The following COL14A1 variants were observed in gnomAD, a reference collection of about 807,000 sequenced individuals.
COL14A1 encodes the protein collagen alpha-1(XIV) chain.
Under a neutral mutation model 230.3 loss-of-function variants are expected in COL14A1, and 136 were observed. The ratio of observed to expected loss-of-function variants is 0.59; its 90% CI spans 0.51 to 0.68. COL14A1 has a LOEUF of 0.68. Ranked by LOEUF, COL14A1 falls within the 30% of genes least tolerant of loss-of-function variation. COL14A1 has a pLI of 0.00. For missense variants in COL14A1, 1,976 were observed against 2,215.8 expected, an observed-to-expected ratio of 0.89 and a Z score of 2.17; for synonymous variants, 792 against 784.1, an observed-to-expected ratio of 1.01 and a Z score of -0.17.
chr8:120,241,083 AG>A (rs1818593670), intron 19 of COL14A1, among the ~76,000 whole-genome samples: 1 of 152,244 alleles, frequency 6.6e-6, no homozygotes, highest in Non-Finnish European at 1.5e-5. Context: ...GAATACGTCT[AG>A]AGTAAGAATA....
chr8:120,263,047 C>G (rs73327402), intron 24 of COL14A1, 33 bp downstream of exon 24: 6 of 1,531,254 alleles, frequency 3.9e-6, no homozygotes, highest in Non-Finnish European at 5.2e-6. Context: ...TGATCCCTCT[C>G]CCCATGAACA....
chr8:120,272,665 A>G (rs1334375235), intron 26 of COL14A1, among the ~76,000 whole-genome samples: 2 of 151,694 alleles, frequency 1.3e-5, no homozygotes, highest in African/African-American at 4.8e-5. Flanking sequence ...GATAAAACAG[A>G]CTTTAAAGCA....
intron 19 of COL14A1, among the ~76,000 whole-genome samples, chr8:120,239,781 G>A (rs13259022): frequency 5.4e-4 from 81 of 151,034 alleles, no homozygotes; most frequent in Non-Finnish European, 1.0e-3. Flanking sequence ...AATGAGACCC[G>A]TGGAAACTTC....
chr8:120,158,699 G>C (rs928836995), intron 3 of COL14A1, among the ~76,000 whole-genome samples: 1 of 152,022 alleles, frequency 6.6e-6, no homozygotes, highest in African/African-American at 2.4e-5. Flanking sequence ...CACATTTTTT[G>C]ATCATGAATA....
intron 37 of COL14A1, among the ~76,000 whole-genome samples, chr8:120,311,904 C>A (rs1821056012): frequency 6.6e-6 from 1 of 152,052 alleles, no homozygotes; most frequent in South Asian, 2.1e-4. Context: ...TCGAGACCAG[C>A]CTGGCCAACA....
chr8:120,281,051 G>A lies in COL14A1; in HGVS notation c.3816G>A (p.Gln1272=), dbSNP rs754722050. The change falls in exon 31 of 48, where the codon CAG becomes CAA. Residue 1272 remains glutamine, a synonymous_variant. Coordinates refer to ENST00000297848, the MANE Select transcript of COL14A1 (RefSeq NM_021110.4). ...YQLHKDALVS[Q]PTRYLHPEGL... ...TCCATAAAGATGCCCTGGTTTCCCA[G>A]CCAACCAGGTATGTTTCTGTTGAAA... is the stretch of plus-strand genomic sequence containing the variant. 1.2e-5 allele frequency: 19 copies of A among 1,607,588 alleles called. No individual in the cohort carries two copies. The South Asian group carries it at 2.1e-4, about 18-fold the overall frequency.
At chr8:120,218,703 A>C (rs2130784389) in intron 14 of COL14A1, among the ~76,000 whole-genome samples, 1 of 152,312 alleles carries the variant, frequency 6.6e-6, no homozygotes, top group South Asian at 2.1e-4. Context: ...ACTAATGATA[A>C]GTGACAACGG....
intron 34 of COL14A1, among the ~76,000 whole-genome samples, chr8:120,294,448 T>C (rs1017411776): frequency 1.1e-4 from 13 of 122,264 alleles, no homozygotes; most frequent in Admixed American, 3.3e-4. Context: ...TTTTTTTTTT[T>C]TTTGCAAAGA....
intron 19 of COL14A1, among the ~76,000 whole-genome samples, chr8:120,238,179 T>A (rs1818506288): frequency 6.6e-6 from 1 of 152,150 alleles, no homozygotes; most frequent in Non-Finnish European, 1.5e-5. Flanking sequence ...CAGGCAGGAA[T>A]GTTTAAGTCT....
intron 1 of COL14A1, among the ~76,000 whole-genome samples, chr8:120,146,181 A>G (rs1484408852): frequency 1.3e-5 from 2 of 152,212 alleles, no homozygotes; most frequent in African/African-American, 4.8e-5. Flanking sequence ...AAAGGAATTT[A>G]TATGTGTACT....
At chr8:120,239,394 C>T (rs1395500508) in intron 19 of COL14A1, among the ~76,000 whole-genome samples, 1 of 152,168 alleles carries the variant, frequency 6.6e-6, no homozygotes, top group African/African-American at 2.4e-5. Context: ...ACTCAAAAAG[C>T]CTTCAATGGG....
intron 20 of COL14A1, among the ~76,000 whole-genome samples, chr8:120,245,062 G>A (rs114908989): frequency 4.4e-4 from 67 of 152,202 alleles, no homozygotes; most frequent in African/African-American, 1.6e-3. Context: ...ATGCCCTAGC[G>A]ATTCCTTCTA....
At chr8:120,347,232 G>A (rs1436710241) in intron 45 of COL14A1, among the ~76,000 whole-genome samples, 1 of 152,142 alleles carries the variant, frequency 6.6e-6, no homozygotes, top group African/African-American at 2.4e-5. Context: ...ATCACCCAAG[G>A]ATTCTCAAAG....
At chr8:120,188,051 G>A (rs1206096053) in intron 5 of COL14A1, among the ~76,000 whole-genome samples, 1 of 151,704 alleles carries the variant, frequency 6.6e-6, no homozygotes, top group African/African-American at 2.4e-5. Context: ...TTGTTGCGAG[G>A]ACTAAATCAA....
rs147165694 is a variant in COL14A1 at position 120,180,738 on chromosome 8, C to T, written c.436+12491C>T. On this transcript the variant is annotated intron_variant, in intron 5 of 47. Coordinates refer to ENST00000297848, the MANE Select transcript of COL14A1 (RefSeq NM_021110.4). ...TTTTTTTTTTTTTGAGACGGAGTCT[C>T]GGTCTGTTTCCCAGGCTGGCGTGCA... Among the ~76,000 whole-genome samples, 282 of 124,240 alleles carry T rather than the reference C, an allele frequency of 2.3e-3. 2 individuals are homozygous for T. Among genetic ancestry groups the T allele is most frequent in the African/African-American group, 8.3e-3 (270 of 32,656 alleles). 81.5% of individuals were successfully genotyped at this position (124,240 alleles called of 152,430 possible).
At chr8:120,346,977 C>T (rs1822541190) in intron 45 of COL14A1, among the ~76,000 whole-genome samples, 1 of 152,160 alleles carries the variant, frequency 6.6e-6, no homozygotes. Context: ...TAGAAAATGG[C>T]ATCATTCCCT....
intron 33 of COL14A1, among the ~76,000 whole-genome samples, chr8:120,289,285 A>G (rs1820298378): frequency 6.6e-6 from 1 of 152,196 alleles, no homozygotes; most frequent in African/African-American, 2.4e-5. Flanking sequence ...TTTAATGTGC[A>G]TTCAGAAAAG....
intron 45 of COL14A1, among the ~76,000 whole-genome samples, chr8:120,364,534 TG>T (rs1322140785): frequency 1.4e-4 from 22 of 152,154 alleles, no homozygotes; most frequent in African/African-American, 5.1e-4. Flanking sequence ...AGTGGATATG[TG>T]GACAAATATT....
At chr8:120,263,392 T>C (rs1208764594) in intron 24 of COL14A1, among the ~76,000 whole-genome samples, 2 of 152,096 alleles carry the variant, frequency 1.3e-5, no homozygotes, top group African/African-American at 4.8e-5. Flanking sequence ...ACCACAGCCA[T>C]GAGGATGGGA....
Sources: gnomAD v4.1 joint callset for allele counts (sites outside exome capture counted in the v4.1 genomes callset) on GRCh38, gnomAD v4.1.1 for gene constraint, MANE v1.5 for transcripts, NCBI Gene and HGNC (gene_info 2026-07-23, HGNC 2026-07-21) for gene names.